Variants in ASXL3 observed in about 807,000 individuals in gnomAD.
The protein encoded by ASXL3 is putative Polycomb group protein ASXL3.
In ASXL3, 34 loss-of-function variants were observed where a neutral mutation model predicts 170.6. That is an observed-to-expected ratio of 0.20 (90% CI 0.15 to 0.27). The LOEUF (loss-of-function observed/expected upper bound fraction) is 0.27, where lower values mean the gene tolerates loss of function less well. ASXL3 is among the 10% of genes least tolerant of loss of function. ASXL3 has a pLI of 1.00. For missense variants in ASXL3, 2,592 were observed against 2,695.3 expected (o/e 0.96, Z 0.85); for synonymous variants, 1,002 against 989.1 (o/e 1.01, Z -0.24).
rs2067691600 is a variant in ASXL3, at chr18:33,743,030, C to T, written c.3182C>T (p.Ala1061Val). 6.2e-7 allele frequency: 1 copy of T among 1,613,636 alleles called. No homozygotes were observed. Among genetic ancestry groups the T allele is most frequent in the African/African-American group, 1.3e-5 (1 of 74,888 alleles). The change falls in exon 12 of 12, where the codon GCC (alanine) becomes GTC (valine). Residue 1061 changes from alanine (A) to valine (V), a missense_variant. Around this residue, in one of 4 missense-constraint regions of ASXL3, gnomAD observed 2,246 missense variants for 2,219.6 expected, o/e 1.01. Transcript: ENST00000269197. ...ARTLADIKAR[A>V]QQARAQREAA... ...ACCCTCGCAGATATCAAGGCCCGGG[C>T]CCAACAAGCTCGGGCCCAGCGAGAG...
At chr18:33,588,441 A>G (rs975645019) in intron 1 of ASXL3, among the ~76,000 whole-genome samples, 1 of 151,960 alleles carries the variant, frequency 6.6e-6, no homozygotes, top group Non-Finnish European at 1.5e-5. Context: ...ATAGGGATCA[A>G]TAGAGGCTGG....
At chr18:33,693,888 G>A (rs1382891844) in intron 8 of ASXL3, among the ~76,000 whole-genome samples, 1 of 152,102 alleles carries the variant, frequency 6.6e-6, no homozygotes, top group Non-Finnish European at 1.5e-5. Flanking sequence ...TGAGGTTCAG[G>A]CAGCATAGGA....
Position 33,578,492 on chromosome 18 carries a change from CCGCCGCCA to C in ASXL3, c.-138_-131del. 3.1e-6 allele frequency: 1 copy of C among 324,536 alleles called. No homozygotes were observed. Among genetic ancestry groups the C allele is most frequent in the Non-Finnish European group, 4.7e-6 (1 of 212,216 alleles). The allele number at this position is 324,536 out of a possible 1,614,324, so 20.1% of individuals were successfully genotyped here. Reference sequence around the variant, plus strand: ...GCCGCCGCCGCCGCCGCCGCCGCCGCCGCCGCCACCGCCCGCGCGCCTCCCCCCGCGGA... The same window carrying C: ...GCCGCCGCCGCCGCCGCCGCCGCCGCCCGCCCGCGCGCCTCCCCCCGCGGA... On this transcript the variant is annotated 5_prime_UTR_variant, in exon 1 of 12. Transcript: ENST00000269197.
chr18:33,740,324 A>C lies in ASXL3; in HGVS notation c.2920A>C (p.Ile974Leu). Residue 974 changes from isoleucine to leucine, a missense_variant, in exon 11 of 12, where the codon ATC (isoleucine) becomes CTC (leucine). Transcript: ENST00000269197. ...RKTAEQHSFG[I>L]CKEKRARIED... The stretch of plus-strand genomic sequence containing the variant: ...AACTGCAGAGCAACACAGCTTTGGA[A>C]TCTGTAAGGAAAAGAGAGCTAGGAT... 6.2e-7 allele frequency: 1 copy of C among 1,611,452 alleles called. No homozygotes were observed. The highest frequency in any genetic ancestry group is 8.5e-7 in the Non-Finnish European group (1 of 1,178,616).
In ASXL3 at chr18:33,731,953, G is replaced by T; in HGVS notation, c.880-15G>T. The T allele has an allele frequency of 1.3e-6, 2 of 1,593,612 alleles. No homozygotes were observed. Among genetic ancestry groups the T allele is most frequent in the Non-Finnish European group, 1.7e-6 (2 of 1,171,462 alleles). On this transcript the variant is annotated splice_polypyrimidine_tract_variant and intron_variant, in intron 8 of 11. Transcript: ENST00000269197. Reference sequence around the variant, plus strand: ...TTCCTGATGGAACCTTGTTTTTGTCGGCTTATTTTCCTAGATGGGAAGTGA... The same window carrying T: ...TTCCTGATGGAACCTTGTTTTTGTCTGCTTATTTTCCTAGATGGGAAGTGA...
At chr18:33,670,928 G>A in intron 6 of ASXL3, 138 bp downstream of exon 6, 1 of 514,692 alleles carries the variant, frequency 1.9e-6, no homozygotes, top group Non-Finnish European at 3.3e-6. Context: ...TTATACCTTT[G>A]ACTCAGTGAT....
intron 8 of ASXL3, among the ~76,000 whole-genome samples, chr18:33,685,562 C>T (rs2066580479): frequency 6.6e-6 from 1 of 152,198 alleles, no homozygotes; most frequent in South Asian, 2.1e-4. Flanking sequence ...GGTTTGGCAT[C>T]TACAACTGCA....
At chr18:33,682,391 C>T (rs370502031) in intron 7 of ASXL3, among the ~76,000 whole-genome samples, 1 of 152,126 alleles carries the variant, frequency 6.6e-6, no homozygotes, top group Non-Finnish European at 1.5e-5. Flanking sequence ...GTGTTTGATG[C>T]ATCAGTTGAC....
At chr18:33,612,670 C>A (rs1277644575) in intron 2 of ASXL3, among the ~76,000 whole-genome samples, 1 of 152,004 alleles carries the variant, frequency 6.6e-6, no homozygotes, top group African/African-American at 2.4e-5. Context: ...GATAACATGT[C>A]AGAAATTCTA....
chr18:33,727,722 A>AT (rs1456074090), intron 8 of ASXL3, among the ~76,000 whole-genome samples: 1 of 152,188 alleles, frequency 6.6e-6, no homozygotes, highest in Non-Finnish European at 1.5e-5. Context: ...GAATAAATAA[A>AT]TCTTTCAGAA....
intron 10 of ASXL3, among the ~76,000 whole-genome samples, chr18:33,736,646 T>C (rs1436939414): frequency 6.6e-6 from 1 of 152,192 alleles, no homozygotes; most frequent in African/African-American, 2.4e-5. Flanking sequence ...ATATTTATTA[T>C]GATTCTCACT....
chr18:33,665,831 T>C (rs771411883), intron 5 of ASXL3, among the ~76,000 whole-genome samples: 2 of 152,186 alleles, frequency 1.3e-5, no homozygotes, highest in Non-Finnish European at 2.9e-5. Context: ...CAGCATCTTT[T>C]GATTTCTTTC....
At chr18:33,689,096 C>T (rs1194259230) in intron 8 of ASXL3, among the ~76,000 whole-genome samples, 4 of 151,990 alleles carry the variant, frequency 2.6e-5, no homozygotes, top group Non-Finnish European at 4.4e-5. Context: ...CGGGTTCAAG[C>T]GATTCTCCTG....
intron 2 of ASXL3, among the ~76,000 whole-genome samples, chr18:33,631,851 A>G (rs1197911880): frequency 1.3e-5 from 2 of 152,178 alleles, no homozygotes; most frequent in Non-Finnish European, 2.9e-5. Flanking sequence ...ACAAGTTTAC[A>G]GAATATTTTA....
intron 8 of ASXL3, among the ~76,000 whole-genome samples, chr18:33,710,791 A>T (rs72947470): frequency 0.082 from 12,536 of 152,206 alleles, 522 homozygotes; most frequent in South Asian, 0.11. Context: ...TCATCTTTAA[A>T]CATATAGTTA....
At chr18:33,731,483 G>A (rs1326110578) in intron 8 of ASXL3, among the ~76,000 whole-genome samples, 1 of 152,024 alleles carries the variant, frequency 6.6e-6, no homozygotes, top group African/African-American at 2.4e-5. Context: ...CATTCTGTCT[G>A]GATCCTCTTA....
At chr18:33,718,374 C>T (rs2067201492) in intron 8 of ASXL3, among the ~76,000 whole-genome samples, 1 of 152,130 alleles carries the variant, frequency 6.6e-6, no homozygotes, top group Non-Finnish European at 1.5e-5. Context: ...TTGTTCTCAC[C>T]TTCCCTGTAT....
chr18:33,674,975 T>A (rs1440683155), intron 7 of ASXL3, among the ~76,000 whole-genome samples: 3 of 152,174 alleles, frequency 2.0e-5, no homozygotes, highest in African/African-American at 7.2e-5. Context: ...CAGACTGATA[T>A]TTAATACTCT....
In ASXL3 at chr18:33,590,111, G is replaced by GTTTTTTTTTTTTTTTTTTTT. The variant is rs567969303; in HGVS notation, c.54+11445_54+11446insTTTTTTTTTTTTTTTTTTTT. ...TGTCGTCAAGGTATTTGCTTTCTAT[G>GTTTTTTTTTTTTTTTTTTTT]TTTTTTTTTTTTTTTTTTTGCTTTG... is the stretch of plus-strand genomic sequence containing the variant. On this transcript the variant is annotated intron_variant, in intron 1 of 11. Transcript: ENST00000269197. Among the ~76,000 whole-genome samples, 143 of 83,124 alleles carry GTTTTTTTTTTTTTTTTTTTT rather than the reference G, an allele frequency of 1.7e-3. 2 individuals carry two copies. Among genetic ancestry groups the GTTTTTTTTTTTTTTTTTTTT allele is most frequent in the Non-Finnish European group, 2.1e-3 (95 of 44,826 alleles). The allele number at this position is 83,124 out of a possible 152,430, so 54.5% of individuals were successfully genotyped here.
Sources: gnomAD v4.1 joint callset for allele counts (sites outside exome capture counted in the v4.1 genomes callset) on GRCh38, gnomAD v4.1.1 for gene constraint, gnomAD v4.1.1 regional missense constraint, MANE v1.5 for transcripts, NCBI Gene and HGNC (gene_info 2026-07-23, HGNC 2026-07-21) for gene names.